The following COPS5 variants were observed in gnomAD, a reference collection of about 807,000 sequenced individuals.
The protein encoded by COPS5 is COP9 signalosome complex subunit 5.
In COPS5, 8 loss-of-function variants were observed where a neutral mutation model predicts 44.4. The ratio of observed to expected loss-of-function variants is 0.18; its 90% CI spans 0.11 to 0.32. The LOEUF is 0.32. COPS5 is among the 10% of genes least tolerant of loss of function. The probability of loss-of-function intolerance (pLI) is 1.00; values close to 1 mark genes in which losing one functional copy is unlikely to be tolerated. For missense variants in COPS5, 159 were observed against 406.4 expected (o/e 0.39, Z 5.23); for synonymous variants, 122 against 142.8 (o/e 0.85, Z 1.04).
At chr8:67,047,297 A>G (rs991432263) in intron 6 of COPS5, among the ~76,000 whole-genome samples, 15 of 152,200 alleles carry the variant, frequency 9.9e-5, no homozygotes, top group Non-Finnish European at 1.8e-4. Flanking sequence ...AGTTCTTCCA[A>G]TGATTTTTAC....
In COPS5 at chr8:67,059,614, A is replaced by G. The variant is rs575938628; in HGVS notation, c.144-169T>C. On this transcript the variant is annotated intron_variant, in intron 1 of 7. Transcript: ENST00000357849. ...GGACAGTTTTTGCAGGCTGGAAACAATAAGTATGTCATAGTGCAGCAACGT... is the reference window on the plus strand; with the variant it reads ...GGACAGTTTTTGCAGGCTGGAAACAGTAAGTATGTCATAGTGCAGCAACGT... The G allele has an allele frequency of 7.9e-4, 478 of 606,552 alleles. 6 individuals are homozygous for G. The South Asian group carries it at 8.9e-3, about 11-fold the overall frequency. 37.6% of individuals were successfully genotyped at this position (606,552 alleles called of 1,614,324 possible).
chr8:67,052,569 C>T (rs1402319943), intron 5 of COPS5, among the ~76,000 whole-genome samples: 1 of 151,668 alleles, frequency 6.6e-6, no homozygotes. Context: ...AGGCTCCCTC[C>T]ACCATGCCCA....
intron 6 of COPS5, 104 bp downstream of exon 6, chr8:67,051,126 G>T: frequency 1.3e-6 from 1 of 777,760 alleles, no homozygotes; most frequent in Non-Finnish European, 2.2e-6. Flanking sequence ...CTGGTGTCTT[G>T]GCCAAGTCAG....
chr8:67,061,757 G>C (rs1196121034), intron 1 of COPS5, 97 bp downstream of exon 1: 9 of 1,254,686 alleles, frequency 7.2e-6, no homozygotes, highest in Non-Finnish European at 1.0e-5. Context: ...CTCCCAGTCG[G>C]TGAAAGCTCT....
intron 4 of COPS5, 32 bp from the exon 5 acceptor site, chr8:67,056,636 G>GAAAGAAAAAAAAAAA (rs1804505802): frequency 7.1e-5 from 1 of 14,098 alleles, no homozygotes. Context: ...AGAAGATTAA[G>GAAAGAAAAAAAAAAA]AAAAAAAAAA....
chr8:67,059,128 G>T (rs1425209944), intron 2 of COPS5, 83 bp downstream of exon 2: 2 of 810,172 alleles, frequency 2.5e-6, no homozygotes, highest in Non-Finnish European at 4.0e-6. Flanking sequence ...CATGTAAAGG[G>T]GATAATTTTA....
At chr8:67,061,720 C>T (rs1247477734) in intron 1 of COPS5, 134 bp downstream of exon 1, 6 of 876,654 alleles carry the variant, frequency 6.8e-6, no homozygotes, top group Admixed American at 2.3e-5. Context: ...GCTCTACTTG[C>T]AGATCCAAGA....
In COPS5 at chr8:67,061,987, A is replaced by G; in HGVS notation, c.10T>C (p.Ser4Pro). ...GTTTTCTGGGCCATACCGCTCCCGG[A>G]CGCCGCCATCGCCGAGGAAGCGGAG... Reference protein sequence around the residue: MAASGSGMAQKTWE... With the variant: MAAPGSGMAQKTWE... Residue 4 changes from serine (S) to proline (P), a missense_variant, in exon 1 of 8, where the codon TCC (serine) becomes CCC (proline). By Grantham distance (74) the Ser-to-Pro change is moderately conservative. This residue lies in a region of COPS5 where 25 missense variants were observed against 29.7 expected (regional missense o/e 0.84). Transcript: ENST00000357849. 2 of 1,614,188 alleles carry G rather than the reference A, an allele frequency of 1.2e-6. No homozygotes were observed. The highest frequency in any genetic ancestry group is 1.7e-6 in the Non-Finnish European group (2 of 1,180,042).
At chr8:67,048,196 G>T (rs769613743) in intron 6 of COPS5, among the ~76,000 whole-genome samples, 17 of 152,152 alleles carry the variant, frequency 1.1e-4, no homozygotes, top group Non-Finnish European at 2.1e-4. Flanking sequence ...CTGAGTCCAG[G>T]AGGTCCAGGC....
At chr8:67,058,832 C>T (rs920716887) in intron 2 of COPS5, among the ~76,000 whole-genome samples, 3 of 151,812 alleles carry the variant, frequency 2.0e-5, no homozygotes, top group African/African-American at 7.3e-5. Context: ...AGAGAAAACC[C>T]GTCTCTACTA....
intron 6 of COPS5, among the ~76,000 whole-genome samples, chr8:67,050,562 T>A (rs1585710251): frequency 1.3e-5 from 2 of 150,240 alleles, no homozygotes; most frequent in African/African-American, 4.9e-5. Context: ...AGTGTGAGTG[T>A]GTGTGTGTGT....
intron 4 of COPS5, 79 bp downstream of exon 4, chr8:67,057,301 A>T (rs530377403): frequency 1.1e-6 from 1 of 909,340 alleles, no homozygotes; most frequent in Non-Finnish European, 1.7e-6. Flanking sequence ...GTACACTATG[A>T]TCATGCCTGT....
intron 5 of COPS5, among the ~76,000 whole-genome samples, chr8:67,054,444 T>G (rs1305464897): frequency 6.6e-6 from 1 of 152,164 alleles, no homozygotes; most frequent in East Asian, 1.9e-4. Flanking sequence ...TAGGGCAAAT[T>G]AAATAATTAA....
intron 5 of COPS5, among the ~76,000 whole-genome samples, chr8:67,055,503 T>C (rs946730092): frequency 9.2e-5 from 14 of 152,146 alleles, no homozygotes; most frequent in Non-Finnish European, 1.9e-4. Flanking sequence ...TAGAGAAAAC[T>C]GTCCCCATTG....
chr8:67,045,705 A>G, intron 7 of COPS5, 107 bp downstream of exon 7: 1 of 1,101,298 alleles, frequency 9.1e-7, no homozygotes, highest in Non-Finnish European at 1.3e-6. Flanking sequence ...GTACCATTCT[A>G]AGTTGTAACT....
chr8:67,058,448 AC>A, intron 2 of COPS5, among the ~76,000 whole-genome samples: 1 of 152,294 alleles, frequency 6.6e-6, no homozygotes, highest in Admixed American at 6.5e-5. Context: ...ATAGCATACC[AC>A]ATAACATAAT....
chr8:67,056,652 A>T (rs4737822), intron 4 of COPS5, 48 bp from the exon 5 acceptor site: 4,109 of 35,100 alleles, frequency 0.12, 270 homozygotes, highest in Non-Finnish European at 0.13. Context: ...AAAAAAAAAA[A>T]ATATATATAT....
intron 1 of COPS5, 107 bp downstream of exon 1, chr8:67,061,747 C>G (rs2069988491): frequency 1.8e-6 from 2 of 1,128,974 alleles, no homozygotes; most frequent in African/African-American, 3.1e-5. Context: ...TTCTGTCCCC[C>G]TCCCAGTCGG....
chr8:67,054,988 G>A (rs923804478), intron 5 of COPS5, among the ~76,000 whole-genome samples: 3 of 152,202 alleles, frequency 2.0e-5, no homozygotes, highest in African/African-American at 7.2e-5. Context: ...ACTACACCAT[G>A]ATCATGCCTA....
Sources: gnomAD v4.1 joint callset for allele counts (sites outside exome capture counted in the v4.1 genomes callset) on GRCh38, gnomAD v4.1.1 for gene constraint, gnomAD v4.1.1 regional missense constraint, MANE v1.5 for transcripts, NCBI Gene and HGNC (gene_info 2026-07-23, HGNC 2026-07-21) for gene names.